The following CD300LF variants were observed in gnomAD, a reference collection of about 807,000 sequenced individuals.
CD300LF encodes CMRF35-like molecule 1.
In CD300LF, 27 loss-of-function variants were observed where a neutral mutation model predicts 32.2. The ratio of observed to expected loss-of-function variants is 0.84; its 90% CI spans 0.62 to 1.15. The LOEUF (loss-of-function observed/expected upper bound fraction) is 1.15, where lower values mean the gene tolerates loss of function less well. Ranked by LOEUF, CD300LF falls within the 50% of genes most tolerant of loss-of-function variation. The pLI is 0.00. For synonymous variants in CD300LF, 139 were observed against 143.2 expected (o/e 0.97, Z 0.21); for missense variants, 348 against 356.8 (o/e 0.98, Z 0.20).
At chr17:74,702,884 CA>C (rs971802217) in intron 3 of CD300LF, 150 bp downstream of exon 3, 1 of 637,972 alleles carries the variant, frequency 1.6e-6, no homozygotes, top group African/African-American at 1.8e-5. Flanking sequence ...TGTGGCCTGA[CA>C]GCAAGTGGGA....
chr17:74,707,097 G>T (rs2033583402), intron 1 of CD300LF, among the ~76,000 whole-genome samples: 1 of 152,092 alleles, frequency 6.6e-6, no homozygotes, highest in Admixed American at 6.5e-5. Flanking sequence ...TGGAGAGGAC[G>T]CCAAAAGCAC....
At chr17:74,705,175 C>G (rs985038937) in intron 1 of CD300LF, 4 of 695,286 alleles carry the variant, frequency 5.8e-6, no homozygotes, top group Non-Finnish European at 1.1e-5. Context: ...GGAGGAAATA[C>G]CAGGAGACCC....
intron 5 of CD300LF, 91 bp downstream of exon 5, chr17:74,696,104 T>C (rs2032443018): frequency 6.7e-7 from 1 of 1,490,288 alleles, no homozygotes; most frequent in Non-Finnish European, 9.1e-7. Context: ...ACAGGACTTC[T>C]CTGATATTTT....
chr17:74,695,721 G>A lies in CD300LF; in HGVS notation c.717+4C>T, dbSNP rs1228310886. On this transcript the variant is annotated splice_donor_region_variant and intron_variant, in intron 6 of 6. Coordinates refer to ENST00000326165, the MANE Select transcript of CD300LF (RefSeq NM_139018.5). ...CCTCACAGCAGCCCCCATGGAGGAC[G>A]CACCATGGTGACATATTCCACTTCC... 1.3e-5 allele frequency: 21 copies of A among 1,613,972 alleles called. No homozygotes were observed. The highest frequency in any genetic ancestry group is 1.6e-4 in the Middle Eastern group (1 of 6,080).
intron 3 of CD300LF, 43 bp from the exon 4 acceptor site, chr17:74,698,524 C>T: frequency 6.4e-7 from 1 of 1,574,770 alleles, no homozygotes. Context: ...AGGCTCACCA[C>T]CTGCCTCTCA....
chr17:74,696,443 G>A (rs1206691406), intron 4 of CD300LF, among the ~76,000 whole-genome samples: 1 of 152,124 alleles, frequency 6.6e-6, no homozygotes, highest in Admixed American at 6.5e-5. Flanking sequence ...GGACACCCCA[G>A]CCCCCTGCTC....
At chr17:74,703,228 C>T (rs2033224135) in intron 2 of CD300LF, 130 bp from the exon 3 acceptor site, 9 of 1,142,272 alleles carry the variant, frequency 7.9e-6, no homozygotes, top group Non-Finnish European at 1.2e-5. Flanking sequence ...AGCTCTGAGC[C>T]TGGGCGGGGG....
intron 4 of CD300LF, among the ~76,000 whole-genome samples, chr17:74,696,748 T>C (rs561478072): frequency 2.6e-5 from 4 of 152,312 alleles, no homozygotes; most frequent in African/African-American, 9.6e-5. Flanking sequence ...GCAGGGTGGC[T>C]GGGCCTGTCC....
At position 74,712,179 on chromosome 17, in the gene CD300LF, G is replaced by A. The variant is rs148203743; in HGVS notation, c.43+645C>T. 3.0e-3 allele frequency among the ~76,000 whole-genome samples: 456 copies of A among 152,000 alleles called. 2 individuals carry two copies. The highest frequency in any genetic ancestry group is 0.01 in the African/African-American group (421 of 41,474). ...AGCCTCCCAAAGTGCTGGGATTACA[G>A]GAATGAGCCTCTTTCCCTGGCCTCC... On this transcript the variant is annotated intron_variant, in intron 1 of 6. Transcript: ENST00000326165.
At chr17:74,710,142 C>A (rs970922437) in intron 1 of CD300LF, among the ~76,000 whole-genome samples, 12 of 151,974 alleles carry the variant, frequency 7.9e-5, no homozygotes, top group Non-Finnish European at 1.5e-4. Flanking sequence ...CCACGCCCAG[C>A]TAATTTTTTG....
intron 4 of CD300LF, among the ~76,000 whole-genome samples, chr17:74,696,899 ATTTTGTTTGG>A (rs1245760387): frequency 3.7e-5 from 5 of 136,020 alleles, no homozygotes; most frequent in African/African-American, 1.4e-4. Flanking sequence ...GTAGGGACCG[ATTTTGTTTGG>A]TTTGGTTTGG....
chr17:74,700,988 C>T (rs922112234), intron 3 of CD300LF, among the ~76,000 whole-genome samples: 8 of 152,064 alleles, frequency 5.3e-5, no homozygotes, highest in Non-Finnish European at 7.4e-5. Context: ...CGCAGAGGGA[C>T]GACCACGTGA....
At chr17:74,696,101 T>C (rs2032442424) in intron 5 of CD300LF, 94 bp downstream of exon 5, 1 of 1,477,676 alleles carries the variant, frequency 6.8e-7, no homozygotes, top group Non-Finnish European at 9.2e-7. Flanking sequence ...GGCACAGGAC[T>C]TCTCTGATAT....
At position 74,712,798 on chromosome 17, in the gene CD300LF, A is replaced by G. The variant is rs749927438; in HGVS notation, c.43+26T>C. The G allele has an allele frequency of 6.2e-6, 10 of 1,613,510 alleles. No homozygotes were observed. The African/African-American group carries it at 1.1e-4, about 17-fold the overall frequency. On this transcript the variant is annotated intron_variant, in intron 1 of 6. Coordinates refer to ENST00000326165, the MANE Select transcript of CD300LF (RefSeq NM_139018.5). ...CTCCTCCTGCTTGCTAAGCTTCCCC[A>G]AGAAGACAGACCCAGGCCCGCTCAC... is the stretch of plus-strand genomic sequence containing the variant.
Position 74,704,865 on chromosome 17 carries a change from G to A in CD300LF, c.44-49C>T, listed in dbSNP as rs984987347. The A allele has an allele frequency of 1.2e-5, 17 of 1,447,766 alleles. No homozygotes were observed. The Admixed American group carries it at 2.6e-4, about 23-fold the overall frequency. The allele number at this position is 1,447,766 out of a possible 1,614,324, so 89.7% of individuals were successfully genotyped here. A position where few individuals can be genotyped will look rare whatever the true frequency, so the allele number is the denominator to read the frequency against. On this transcript the variant is annotated intron_variant, in intron 1 of 6. Coordinates refer to ENST00000326165, the MANE Select transcript of CD300LF (RefSeq NM_139018.5). ...TGTCACCTCCCACCCCAAGGGCAGG[G>A]CCACAGCTTTCTGTTTAGGGAATAG...
intron 1 of CD300LF, 138 bp downstream of exon 1, chr17:74,712,686 G>A (rs2034057756): frequency 2.4e-6 from 2 of 825,708 alleles, no homozygotes; most frequent in East Asian, 5.1e-5. Context: ...AATGCTAGGT[G>A]AATGGTGGGT....
intron 3 of CD300LF, among the ~76,000 whole-genome samples, chr17:74,700,286 C>T (rs549434233): frequency 2.2e-4 from 34 of 152,268 alleles, no homozygotes; most frequent in African/African-American, 6.7e-4. Context: ...GCCTACGACT[C>T]ACCCCTGCCT....
rs1341552418 is a variant in CD300LF at position 74,695,039 on chromosome 17, C to T, written c.*57G>A. ...ATGAGGGGAGCAGGGGGCAGACGGT[C>T]GATGAGGCAGGAGTGTGCTCACAGC... On this transcript the variant is annotated 3_prime_UTR_variant, in exon 7 of 7. Transcript: ENST00000326165. 12 of 1,552,670 alleles carry T rather than the reference C, an allele frequency of 7.7e-6. No individual in the cohort carries two copies. Among genetic ancestry groups the T allele is most frequent in the South Asian group, 7.2e-5 (6 of 83,508 alleles).
Position 74,704,677 on chromosome 17 carries a change from G to T in CD300LF, c.183C>A (p.Asp61Glu). Residue 61 changes from aspartate (D) to glutamate (E), a missense_variant, in exon 2 of 7, where the codon GAC (aspartate) becomes GAA (glutamate). By Grantham distance (45) the Asp-to-Glu change is conservative (BLOSUM62 2). Coordinates refer to ENST00000326165, the MANE Select transcript of CD300LF (RefSeq NM_139018.5). Reference protein sequence around the residue: ...KWWCRGAIWRDCKILVKTSGS... With the variant: ...KWWCRGAIWRECKILVKTSGS... ...CACTGGTTTTAACAAGGATCTTGCAGTCACGCCAAATAGCTCCTCGACACC... is the reference window on the plus strand; with the variant it reads ...CACTGGTTTTAACAAGGATCTTGCATTCACGCCAAATAGCTCCTCGACACC... 2 of 1,614,176 alleles carry T rather than the reference G, an allele frequency of 1.2e-6. No homozygotes were observed. Among genetic ancestry groups the T allele is most frequent in the Non-Finnish European group, 1.7e-6 (2 of 1,180,034 alleles).
Sources: gnomAD v4.1 joint callset for allele counts (sites outside exome capture counted in the v4.1 genomes callset) on GRCh38, gnomAD v4.1.1 for gene constraint, MANE v1.5 for transcripts, NCBI Gene and HGNC (gene_info 2026-07-23, HGNC 2026-07-21) for gene names.